NPSR1: variants seen among roughly 807,000 people sequenced by gnomAD.
NPSR1 encodes the protein neuropeptide S receptor 1.
Under a neutral mutation model 46.9 loss-of-function variants are expected in NPSR1, and 48 were observed. The ratio of observed to expected loss-of-function variants is 1.02; its 90% CI spans 0.81 to 1.30. NPSR1 has a LOEUF of 1.30. NPSR1 is among the 50% of genes most tolerant of loss of function. The pLI is 0.00. For missense variants in NPSR1, 450 were observed against 449.5 expected (o/e 1.00, Z -0.01); for synonymous variants, 176 against 168.1 (o/e 1.05, Z -0.36).
intron 2 of NPSR1, among the ~76,000 whole-genome samples, chr7:34,775,202 T>C (rs746733406): frequency 3.3e-5 from 5 of 152,234 alleles, no homozygotes; most frequent in African/African-American, 4.8e-5. Context: ...TCCATGTCTC[T>C]TCAGACCTTA....
intron 8 of NPSR1, among the ~76,000 whole-genome samples, chr7:34,866,687 A>C (rs12540193): frequency 0.072 from 10,849 of 151,598 alleles, 1,233 homozygotes; most frequent in African/African-American, 0.22. Flanking sequence ...CCTTGAGGTA[A>C]AAACTTTGGG....
At chr7:34,826,674 C>A (rs1584105707) in intron 4 of NPSR1, among the ~76,000 whole-genome samples, 1 of 152,308 alleles carries the variant, frequency 6.6e-6, no homozygotes, top group Non-Finnish European at 1.5e-5. Flanking sequence ...CCATCATAAC[C>A]AGCTGAGGTG....
chr7:34,872,207 G>A (rs1791472405), intron 8 of NPSR1, among the ~76,000 whole-genome samples: 2 of 151,970 alleles, frequency 1.3e-5, no homozygotes, highest in South Asian at 4.1e-4. Flanking sequence ...CTCTAGAGCT[G>A]CAGCCCAAGC....
chr7:34,790,724 T>TTATATGTTATATGTTATATATAA lies in NPSR1; in HGVS notation c.384+12205_384+12227dup, dbSNP rs1562729240. ...TGTTCTATGTTATATATAATATATG[T>TTATATGTTATATGTTATATATAA]TATATGTTATATGTTATATATAATA... On this transcript the variant is annotated intron_variant, in intron 3 of 8. Coordinates refer to ENST00000360581, the MANE Select transcript of NPSR1 (RefSeq NM_207172.2). Among the ~76,000 whole-genome samples the TTATATGTTATATGTTATATATAA allele has an allele frequency of 4.4e-3, 501 of 112,778 alleles. 13 individuals are homozygous for TTATATGTTATATGTTATATATAA. Among genetic ancestry groups the TTATATGTTATATGTTATATATAA allele is most frequent in the East Asian group, 7.7e-3 (28 of 3,638 alleles). The allele number at this position is 112,778 out of a possible 152,430, so 74.0% of individuals were successfully genotyped here.
intron 8 of NPSR1, among the ~76,000 whole-genome samples, chr7:34,866,152 A>C (rs1791309913): frequency 6.6e-6 from 1 of 151,802 alleles, no homozygotes; most frequent in South Asian, 2.1e-4. Flanking sequence ...TTTGTCCCAC[A>C]CGGCCTCCAC....
At chr7:34,809,422 A>G (rs889918873) in intron 3 of NPSR1, among the ~76,000 whole-genome samples, 2 of 148,394 alleles carry the variant, frequency 1.3e-5, no homozygotes, top group African/African-American at 5.0e-5. Context: ...AACTTGTGTC[A>G]TGGGGGTTTG....
Position 34,797,846 on chromosome 7 carries a change from C to A in NPSR1, c.385-13924C>A, listed in dbSNP as rs557148123. 5.3e-5 allele frequency among the ~76,000 whole-genome samples: 8 copies of A among 152,068 alleles called. No individual in the cohort carries two copies. In the South Asian group the frequency reaches 1.7e-3, roughly 32 times the overall value. ...TTTCCTCTGACTTATCAGAAATCAGCCAAGTAAGAAGATAGTATAATAAAA... is the reference window on the plus strand; with the variant it reads ...TTTCCTCTGACTTATCAGAAATCAGACAAGTAAGAAGATAGTATAATAAAA... On this transcript the variant is annotated intron_variant, in intron 3 of 8. Coordinates refer to ENST00000360581, the MANE Select transcript of NPSR1 (RefSeq NM_207172.2).
intron 3 of NPSR1, among the ~76,000 whole-genome samples, chr7:34,782,802 A>G (rs1455366134): frequency 6.6e-6 from 1 of 152,196 alleles, no homozygotes; most frequent in East Asian, 1.9e-4. Context: ...AAATAGAGAT[A>G]TATGCAATGC....
chr7:34,720,706 G>A (rs1333021199), intron 2 of NPSR1, among the ~76,000 whole-genome samples: 1 of 152,206 alleles, frequency 6.6e-6, no homozygotes, highest in Middle Eastern at 3.4e-3. Context: ...ATTGGCTAGA[G>A]ACCCCATCAG....
At chr7:34,845,568 C>G (rs1436776676) in intron 7 of NPSR1, 1 of 455,924 alleles carries the variant, frequency 2.2e-6, no homozygotes, top group Non-Finnish European at 4.4e-6. Context: ...CCCAACAACG[C>G]CACCTCCCTG....
intron 2 of NPSR1, among the ~76,000 whole-genome samples, chr7:34,698,558 T>G (rs1793653538): frequency 6.6e-6 from 1 of 152,166 alleles, no homozygotes; most frequent in Admixed American, 6.5e-5. Flanking sequence ...CAGGCCAGAT[T>G]TGACCCAAGG....
At position 34,658,530 on chromosome 7, in the gene NPSR1, G is replaced by T. The variant is rs201430808; in HGVS notation, c.118G>T (p.Glu40Ter). ...TTTTACTGAAGTGGTGGAAGGAAAG[G>T]AATGGGGTTCCTTCTACTACTCCTT... ...VTFTEVVEGKEWGSFYYSFKT... is the reference protein window; with the variant it reads ...VTFTEVVEGK Residue 40 changes from glutamate (E) to a stop codon, truncating the protein, a stop_gained, in exon 1 of 9, where the codon GAA becomes TAA. Transcript: ENST00000360581. LOFTEE classifies it high-confidence loss of function. 9.9e-6 allele frequency: 16 copies of T among 1,614,008 alleles called. No individual in the cohort carries two copies. The highest frequency in any genetic ancestry group is 2.7e-5 in the African/African-American group (2 of 74,934).
intron 2 of NPSR1, chr7:34,750,152 A>G: frequency 6.9e-6 from 2 of 289,530 alleles, no homozygotes; most frequent in African/African-American, 2.3e-5. Flanking sequence ...TCAAAAAAGG[A>G]GACAGGCAAA....
chr7:34,735,922 T>C (rs1265521995), intron 2 of NPSR1, among the ~76,000 whole-genome samples: 2 of 152,054 alleles, frequency 1.3e-5, no homozygotes, highest in Non-Finnish European at 2.9e-5. Context: ...AATCTCAACA[T>C]GAATAAAAAG....
intron 4 of NPSR1, among the ~76,000 whole-genome samples, chr7:34,816,027 G>A (rs1315819095): frequency 6.6e-6 from 1 of 152,128 alleles, no homozygotes; most frequent in Non-Finnish European, 1.5e-5. Context: ...AAAATAACCA[G>A]CTAACATCAT....
chr7:34,675,400 C>A (rs530666215), intron 1 of NPSR1, among the ~76,000 whole-genome samples: 1 of 152,348 alleles, frequency 6.6e-6, no homozygotes, highest in Non-Finnish European at 1.5e-5. Flanking sequence ...TTCCTTGGAT[C>A]TGGATAAATC....
chr7:34,659,949 G>C (rs774366109), intron 1 of NPSR1, among the ~76,000 whole-genome samples: 3 of 152,128 alleles, frequency 2.0e-5, no homozygotes, highest in Non-Finnish European at 4.4e-5. Flanking sequence ...GCCCTCCATT[G>C]CAAAGGGAAT....
Position 34,712,032 on chromosome 7 carries a change from C to T in NPSR1, c.280+27348C>T, listed in dbSNP as rs532172493. 5.7e-4 allele frequency among the ~76,000 whole-genome samples: 87 copies of T among 152,340 alleles called. No homozygotes were observed. In the South Asian group the frequency reaches 0.017, roughly 29 times the overall value. On this transcript the variant is annotated intron_variant, in intron 2 of 8. Transcript: ENST00000360581. ...CACAAATATCCTCATATGATCTGAT[C>T]TCTATTTCCCCATAATGATTGACTG...
intron 3 of NPSR1, among the ~76,000 whole-genome samples, chr7:34,796,931 C>T (rs1436813970): frequency 6.6e-6 from 1 of 152,074 alleles, no homozygotes; most frequent in Admixed American, 6.6e-5. Context: ...CCAAGATGTC[C>T]TTTGGTAGGT....
Sources: allele counts gnomAD v4.1 joint callset (sites outside exome capture counted in the v4.1 genomes callset), GRCh38; gene constraint gnomAD v4.1.1; transcripts MANE v1.5; gene names NCBI Gene and HGNC (gene_info 2026-07-23, HGNC 2026-07-21).